The following MRPL21 variants were observed in gnomAD, a reference collection of about 807,000 sequenced individuals.
MRPL21 encodes the protein large ribosomal subunit protein bL21m.
Under a neutral mutation model 27.3 loss-of-function variants are expected in MRPL21, and 20 were observed. That is an observed-to-expected ratio of 0.73 (90% CI 0.52 to 1.06). The LOEUF (loss-of-function observed/expected upper bound fraction) is 1.06. Among genes scored for constraint, MRPL21 ranks in the 50% least tolerant of loss-of-function variants. The pLI is 0.00. For synonymous variants in MRPL21, 98 were observed against 101.5 expected (o/e 0.97, Z 0.21); for missense variants, 249 against 251.4 (o/e 0.99, Z 0.06).
intron 1 of MRPL21, 45 bp downstream of exon 1, chr11:68,903,678 G>A: frequency 1.3e-6 from 2 of 1,597,658 alleles, no homozygotes; most frequent in Non-Finnish European, 1.7e-6. Flanking sequence ...GCAGGGAGCA[G>A]CGCTCGCTCT....
intron 5 of MRPL21, 80 bp from the exon 6 acceptor site, chr11:68,893,073 G>A: frequency 7.0e-7 from 1 of 1,435,438 alleles, no homozygotes; most frequent in South Asian, 1.5e-5. Context: ...CTAAAATGAA[G>A]TTATACTTTC....
At chr11:68,896,835 C>A in intron 3 of MRPL21, 157 bp from the exon 4 acceptor site, 1 of 870,712 alleles carries the variant, frequency 1.1e-6, no homozygotes, top group Non-Finnish European at 1.8e-6. Flanking sequence ...CCCTGCTCCA[C>A]CCCCTGCAGG....
At chr11:68,899,606 C>A (rs934962403) in intron 2 of MRPL21, among the ~76,000 whole-genome samples, 2 of 152,204 alleles carry the variant, frequency 1.3e-5, no homozygotes, top group Non-Finnish European at 2.9e-5. Flanking sequence ...TCTCCCCATA[C>A]GGGTTCAGCA....
chr11:68,900,752 AAAACTAC>A, intron 1 of MRPL21, 147 bp from the exon 2 acceptor site: 1 of 702,920 alleles, frequency 1.4e-6, no homozygotes, highest in South Asian at 1.6e-5. Flanking sequence ...CTAGGTGAGC[AAAACTAC>A]AAGAACGTCA....
chr11:68,892,958 T>C lies in MRPL21; in HGVS notation c.485A>G (p.Glu162Gly). The part of the protein sequence containing the change: ...DLVRVEATVI[E>G]KTESWPRIIM... Reference sequence around the variant, plus strand: ...GATTCTTGGCCATGATTCTGTCTTTTCAATGACTGTGGCTTCTACTCGAAC... The same window carrying C: ...GATTCTTGGCCATGATTCTGTCTTTCCAATGACTGTGGCTTCTACTCGAAC... Residue 162 changes from glutamate to glycine, a missense_variant, in exon 6 of 7, where the codon GAA (glutamate) becomes GGA (glycine). By Grantham distance (98) the Glu-to-Gly change is moderately conservative. Transcript: ENST00000362034. 1 of 1,611,292 alleles carries C rather than the reference T, an allele frequency of 6.2e-7. No homozygotes were observed. Among genetic ancestry groups the C allele is most frequent in the Non-Finnish European group, 8.5e-7 (1 of 1,178,596 alleles).
At chr11:68,897,338 T>C (rs1010536734) in intron 3 of MRPL21, among the ~76,000 whole-genome samples, 1 of 151,952 alleles carries the variant, frequency 6.6e-6, no homozygotes, top group African/African-American at 2.4e-5. Flanking sequence ...GACGACAGAG[T>C]GCCTGCCCTG....
chr11:68,895,203 G>A (rs1324981363), intron 4 of MRPL21, among the ~76,000 whole-genome samples: 2 of 152,130 alleles, frequency 1.3e-5, no homozygotes, highest in Non-Finnish European at 2.9e-5. Context: ...GGCAGAGGTT[G>A]CAGTGAGCCG....
intron 4 of MRPL21, among the ~76,000 whole-genome samples, chr11:68,893,830 T>C (rs544067211): frequency 2.0e-5 from 3 of 152,098 alleles, no homozygotes; most frequent in Non-Finnish European, 4.4e-5. Context: ...TCCCAGCACT[T>C]TGGGAGGCCG....
rs770489661 is a variant in MRPL21, at chr11:68,903,824, G to A, written c.-14C>T. ...AGATGCTGCCATGGCCGCAGCCTCG[G>A]CCGGAAACGGAAACGACGCGAACCG... is the stretch of plus-strand genomic sequence containing the variant. On this transcript the variant is annotated 5_prime_UTR_variant, in exon 1 of 7. Transcript: ENST00000362034. The A allele has an allele frequency of 7.5e-6, 8 of 1,061,892 alleles. No individual in the cohort carries two copies. The highest frequency in any genetic ancestry group is 8.0e-6 in the Non-Finnish European group (6 of 746,592). The allele number at this position is 1,061,892 out of a possible 1,614,324, so 65.8% of individuals were successfully genotyped here.
Position 68,897,261 on chromosome 11 carries a change from T to C in MRPL21, c.233-583A>G, listed in dbSNP as rs536521053. Among the ~76,000 whole-genome samples the C allele has an allele frequency of 2.8e-4, 42 of 152,156 alleles. 1 individual carries two copies. Among genetic ancestry groups the C allele is most frequent in the African/African-American group, 9.9e-4 (41 of 41,532 alleles). ...CACAGTCCCCTCTCTTCTGCACCGTTTACTCTGAACAAGCATTTAATGGGC... is the reference window on the plus strand; with the variant it reads ...CACAGTCCCCTCTCTTCTGCACCGTCTACTCTGAACAAGCATTTAATGGGC... On this transcript the variant is annotated intron_variant, in intron 3 of 6. Coordinates refer to ENST00000362034, the MANE Select transcript of MRPL21 (RefSeq NM_181514.2).
chr11:68,894,281 GTTCT>G (rs1414643296), intron 4 of MRPL21, among the ~76,000 whole-genome samples: 1 of 152,060 alleles, frequency 6.6e-6, no homozygotes, highest in African/African-American at 2.4e-5. Context: ...ATGCAACAGT[GTTCT>G]TTCTTCTTTT....
At position 68,891,709 on chromosome 11, in the gene MRPL21, C is replaced by A. The variant is rs1023837513; in HGVS notation, c.554-314G>T. ...TGGGAGGATGGCCCCACCTGAGTGA[C>A]CTTGAGGCTACCTGGAAGTGTCAGA... On this transcript the variant is annotated intron_variant, in intron 6 of 6. Coordinates refer to ENST00000362034, the MANE Select transcript of MRPL21 (RefSeq NM_181514.2). The A allele has an allele frequency of 5.6e-6, 3 of 537,584 alleles. No homozygotes were observed. The East Asian group carries it at 9.1e-5, about 16-fold the overall frequency. 33.3% of individuals were successfully genotyped at this position (537,584 alleles called of 1,614,324 possible). A position where few individuals can be genotyped will look rare whatever the true frequency, so the allele number is the denominator to read the frequency against.
At chr11:68,900,054 T>G (rs971283342) in intron 2 of MRPL21, among the ~76,000 whole-genome samples, 4 of 152,236 alleles carry the variant, frequency 2.6e-5, no homozygotes, top group African/African-American at 9.6e-5. Flanking sequence ...TGAGTGGAAC[T>G]TTGTCGAATG....
At chr11:68,894,410 A>G (rs1857734018) in intron 4 of MRPL21, among the ~76,000 whole-genome samples, 1 of 152,064 alleles carries the variant, frequency 6.6e-6, no homozygotes, top group Admixed American at 6.6e-5. Context: ...CCCCCTGAGT[A>G]GCTGGGACTA....
At chr11:68,893,379 A>T in intron 5 of MRPL21, 24 bp downstream of exon 5, 1 of 1,614,076 alleles carries the variant, frequency 6.2e-7, no homozygotes, top group Non-Finnish European at 8.5e-7. Context: ...CCCCAGACAA[A>T]GCCCAGCACT....
intron 2 of MRPL21, among the ~76,000 whole-genome samples, 169 bp from the exon 3 acceptor site, chr11:68,898,181 T>A (rs1301127032): frequency 2.6e-5 from 4 of 152,212 alleles, no homozygotes; most frequent in Non-Finnish European, 4.4e-5. Flanking sequence ...AGGCTCCCTG[T>A]ATCCTTTTAG....
rs1203659803 is a variant in MRPL21 at position 68,892,913 on chromosome 11, C to T, written c.530G>A (p.Arg177Lys). 6.2e-7 allele frequency: 1 copy of T among 1,613,356 alleles called. No homozygotes were observed. Among genetic ancestry groups the T allele is most frequent in the Non-Finnish European group, 8.5e-7 (1 of 1,179,564 alleles). ...ACTTCTTTTCTTCTTGAAGTTTTTC[C>T]TTTTCCTGAATCTCATAATGATTCT... ...WPRIIMRFRK[R>K]KNFKKKRIVT... Residue 177 changes from arginine (R) to lysine (K), a missense_variant, in exon 6 of 7, where the codon AGG (arginine) becomes AAG (lysine). Transcript: ENST00000362034.
rs143064656 is a variant in MRPL21, at chr11:68,903,733, C to T, written c.78G>A (p.Gly26=). ...ACSHSILRPS[G]PGAASLWSAS... is the part of the protein sequence containing the mutation. ...TATCCCAGGTCTCACCTGCTCCGGG[C>T]CCCGAAGGTCTCAGGATGCTGTGGC... The change falls in exon 1 of 7, where the codon GGG becomes GGA. Residue 26 remains glycine (G), a synonymous_variant. Coordinates refer to ENST00000362034, the MANE Select transcript of MRPL21 (RefSeq NM_181514.2). 2.5e-6 allele frequency: 4 copies of T among 1,613,316 alleles called. No individual in the cohort carries two copies. Among genetic ancestry groups the T allele is most frequent in the Non-Finnish European group, 2.5e-6 (3 of 1,180,036 alleles).
intron 2 of MRPL21, 93 bp from the exon 3 acceptor site, chr11:68,898,105 G>C (rs1361830435): frequency 9.5e-7 from 1 of 1,054,704 alleles, no homozygotes; most frequent in African/African-American, 1.6e-5. Flanking sequence ...GTTAGGAAGG[G>C]ATCCCCGGCA....
Sources: gnomAD v4.1 joint callset for allele counts (sites outside exome capture counted in the v4.1 genomes callset) on GRCh38, gnomAD v4.1.1 for gene constraint, MANE v1.5 for transcripts, NCBI Gene and HGNC (gene_info 2026-07-23, HGNC 2026-07-21) for gene names.